HIPK2: variants seen among roughly 807,000 people sequenced by gnomAD.
The protein encoded by HIPK2 is homeodomain interacting protein kinase 2.
HIPK2 carries 27 observed loss-of-function variants against 113.7 expected under a neutral mutation model. That is an observed-to-expected ratio of 0.24 (90% CI 0.17 to 0.33). The LOEUF (loss-of-function observed/expected upper bound fraction) is 0.33. HIPK2 is among the 10% of genes least tolerant of loss of function. HIPK2 has a pLI of 1.00. For missense variants in HIPK2, 1,257 were observed against 1,588.0 expected (o/e 0.79, Z 3.54); for synonymous variants, 631 against 642.2 (o/e 0.98, Z 0.26).
At position 139,601,447 on chromosome 7, in the gene HIPK2, G is replaced by A. The variant is rs139158888; in HGVS notation, c.2256-851C>T. On this transcript the variant is annotated intron_variant, in intron 10 of 14. Transcript: ENST00000406875. ...GAAGCCTGGGAGCCATATGCTTCTG[G>A]TGTTAGGAAGTGTTAATGTTCTTTT... is the stretch of plus-strand genomic sequence containing the variant. 4.5e-3 allele frequency among the ~76,000 whole-genome samples: 692 copies of A among 152,292 alleles called. 7 individuals carry two copies. The highest frequency in any genetic ancestry group is 0.016 in the African/African-American group (650 of 41,558).
intron 13 of HIPK2, 111 bp downstream of exon 13, chr7:139,583,706 C>G (rs974066986): frequency 6.8e-7 from 1 of 1,479,284 alleles, no homozygotes; most frequent in African/African-American, 1.4e-5. Context: ...CCTGCAGTCA[C>G]TGGGCACTTT....
chr7:139,635,218 T>C (rs1800767105), intron 2 of HIPK2, among the ~76,000 whole-genome samples: 1 of 152,156 alleles, frequency 6.6e-6, no homozygotes, highest in South Asian at 2.1e-4. Context: ...GCCCCTGCCC[T>C]CTTGCAGCCT....
At chr7:139,751,724 A>T in intron 1 of HIPK2, among the ~76,000 whole-genome samples, 1 of 152,250 alleles carries the variant, frequency 6.6e-6, no homozygotes, top group South Asian at 2.1e-4. Flanking sequence ...GAGAGTAAAT[A>T]ATTAATGACT....
chr7:139,702,408 G>A (rs1186307799), intron 2 of HIPK2, among the ~76,000 whole-genome samples: 3 of 152,328 alleles, frequency 2.0e-5, no homozygotes, highest in South Asian at 4.1e-4. Flanking sequence ...AGTCACGGGG[G>A]TGCATATCCC....
chr7:139,755,729 C>T (rs2117123538), intron 1 of HIPK2, among the ~76,000 whole-genome samples: 1 of 152,334 alleles, frequency 6.6e-6, no homozygotes, highest in East Asian at 1.9e-4. Flanking sequence ...TGGAATACCT[C>T]CAGTACCAGA....
At chr7:139,695,773 G>A (rs1015167695) in intron 2 of HIPK2, among the ~76,000 whole-genome samples, 12 of 151,944 alleles carry the variant, frequency 7.9e-5, no homozygotes, top group Admixed American at 2.0e-4. Context: ...GAAGAAGCAT[G>A]ACTCAGGGAT....
rs561740876 is a variant in HIPK2, at chr7:139,562,758, A to G, written c.*10169T>C. ...GAGTGGCCTGGGACACAGCCCATGC[A>G]CGTCCAAGACACCAGTCTTGACTCC... is the stretch of plus-strand genomic sequence containing the variant. On this transcript the variant is annotated 3_prime_UTR_variant, in exon 15 of 15. Coordinates refer to ENST00000406875, the MANE Select transcript of HIPK2 (RefSeq NM_022740.5). 5.9e-5 allele frequency: 9 copies of G among 152,394 alleles called. No homozygotes were observed. The East Asian group carries it at 1.7e-3, about 29-fold the overall frequency. 9.4% of individuals were successfully genotyped at this position (152,394 alleles called of 1,614,324 possible). A position where few individuals can be genotyped will look rare whatever the true frequency, so the allele number is the denominator to read the frequency against.
chr7:139,633,660 A>AG (rs781170394), intron 2 of HIPK2, among the ~76,000 whole-genome samples: 7 of 147,840 alleles, frequency 4.7e-5, no homozygotes, highest in African/African-American at 1.8e-4. Flanking sequence ...AAAAAAAAAA[A>AG]GGGGTTAGGC....
intron 2 of HIPK2, among the ~76,000 whole-genome samples, chr7:139,710,112 A>G (rs934651766): frequency 6.6e-6 from 1 of 151,798 alleles, no homozygotes; most frequent in Non-Finnish European, 1.5e-5. Flanking sequence ...ACCATCATTA[A>G]TTTTCATTAA....
chr7:139,588,882 C>T (rs1169030763), intron 12 of HIPK2, among the ~76,000 whole-genome samples: 1 of 152,234 alleles, frequency 6.6e-6, no homozygotes, highest in Non-Finnish European at 1.5e-5. Flanking sequence ...GGAGCCATGA[C>T]TGGGAGCAGC....
intron 2 of HIPK2, among the ~76,000 whole-genome samples, chr7:139,696,167 G>A (rs916222645): frequency 6.6e-6 from 1 of 152,154 alleles, no homozygotes; most frequent in Admixed American, 6.5e-5. Context: ...GTAGGGTGGG[G>A]GATGCAACTA....
At chr7:139,589,649 C>T (rs1010846470) in intron 12 of HIPK2, among the ~76,000 whole-genome samples, 5 of 152,166 alleles carry the variant, frequency 3.3e-5, no homozygotes, top group African/African-American at 9.7e-5. Flanking sequence ...TGGCATGAGT[C>T]TTGTGAGAGC....
At chr7:139,736,875 C>G (rs1222392507) in intron 1 of HIPK2, among the ~76,000 whole-genome samples, 1 of 152,210 alleles carries the variant, frequency 6.6e-6, no homozygotes, top group Admixed American at 6.5e-5. Flanking sequence ...GGTTCTTTCA[C>G]TAGCATCAAG....
intron 12 of HIPK2, among the ~76,000 whole-genome samples, chr7:139,592,954 C>T (rs1799077241): frequency 6.6e-6 from 1 of 152,186 alleles, no homozygotes; most frequent in Non-Finnish European, 1.5e-5. Flanking sequence ...AGAGCTGACT[C>T]CGCCCTTCTC....
chr7:139,590,843 AATT>A (rs955407307), intron 12 of HIPK2, among the ~76,000 whole-genome samples: 5 of 152,148 alleles, frequency 3.3e-5, no homozygotes, highest in African/African-American at 1.2e-4. Flanking sequence ...ATTCCATTCA[AATT>A]ATTATTATTA....
In HIPK2 at chr7:139,698,968, T is replaced by C. The variant is rs1038515228; in HGVS notation, c.1103+16964A>G. Among the ~76,000 whole-genome samples, 506 of 152,020 alleles carry C rather than the reference T, an allele frequency of 3.3e-3. 2 individuals carry two copies. Among genetic ancestry groups the C allele is most frequent in the African/African-American group, 0.012 (478 of 41,442 alleles). ...GAAGAGCAGAGTGCCCAAAGAAAGA[T>C]GAATAGAGAAATGAAACCTGAGTAG... On this transcript the variant is annotated intron_variant, in intron 2 of 14. Coordinates refer to ENST00000406875, the MANE Select transcript of HIPK2 (RefSeq NM_022740.5).
intron 2 of HIPK2, among the ~76,000 whole-genome samples, chr7:139,675,769 C>G (rs1226737378): frequency 1.3e-5 from 2 of 152,150 alleles, no homozygotes; most frequent in Non-Finnish European, 2.9e-5. Context: ...AATCTAGTGA[C>G]ATGAACTGGG....
intron 2 of HIPK2, among the ~76,000 whole-genome samples, chr7:139,662,296 GTAC>G (rs1211274755): frequency 5.3e-5 from 8 of 152,344 alleles, no homozygotes; most frequent in African/African-American, 1.9e-4. Flanking sequence ...AATTTAGAAT[GTAC>G]TTTTAGCAGG....
At chr7:139,652,463 A>C (rs1801497688) in intron 2 of HIPK2, among the ~76,000 whole-genome samples, 1 of 152,346 alleles carries the variant, frequency 6.6e-6, no homozygotes, top group African/African-American at 2.4e-5. Flanking sequence ...GGTGATACCA[A>C]GTCATGGTTG....
Sources: allele counts gnomAD v4.1 joint callset (sites outside exome capture counted in the v4.1 genomes callset), GRCh38; gene constraint gnomAD v4.1.1; transcripts MANE v1.5; gene names NCBI Gene and HGNC (gene_info 2026-07-23, HGNC 2026-07-21).